ADAMTS17: variants seen among roughly 807,000 people sequenced by gnomAD.
ADAMTS17 encodes the protein A disintegrin and metalloproteinase with thrombospondin motifs 17.
ADAMTS17 carries 113 observed loss-of-function variants against 141.5 expected under a neutral mutation model. That is an observed-to-expected ratio of 0.80 (90% CI 0.69 to 0.93). The LOEUF (loss-of-function observed/expected upper bound fraction) is 0.93, where lower values mean the gene tolerates loss of function less well. Ranked by LOEUF, ADAMTS17 falls within the 40% of genes least tolerant of loss-of-function variation. ADAMTS17 has a pLI of 0.00. For missense variants in ADAMTS17, 1,659 were observed against 1,517.9 expected, an observed-to-expected ratio of 1.09 and a Z score of -1.54; for synonymous variants, 768 against 630.6, an observed-to-expected ratio of 1.22 and a Z score of -3.27.
Position 100,054,731 on chromosome 15 carries a change from T to C in ADAMTS17, c.2138-677A>G, listed in dbSNP as rs80107116. ...TGAGCGTAGCAGGGGAGAGGCACTC[T>C]CACACCCTAGCTCTGTGGGCTTCAG... On this transcript the variant is annotated intron_variant, in intron 15 of 21. Transcript: ENST00000268070. Among the ~76,000 whole-genome samples, 1,362 of 152,286 alleles carry C rather than the reference T, an allele frequency of 8.9e-3. 9 individuals are homozygous for C. Among genetic ancestry groups the C allele is most frequent in the Non-Finnish European group, 0.012 (844 of 68,020 alleles).
intron 6 of ADAMTS17, chr15:100,256,401 C>G (rs2141973599): frequency 6.6e-6 from 1 of 152,348 alleles, no homozygotes; most frequent in East Asian, 1.9e-4. Flanking sequence ...CTGTGCGTAA[C>G]TCACAGCCAG....
chr15:100,162,694 G>T (rs960002634), intron 8 of ADAMTS17, among the ~76,000 whole-genome samples: 4 of 112,032 alleles, frequency 3.6e-5, no homozygotes, highest in Non-Finnish European at 7.3e-5. Context: ...CACATTATAT[G>T]TGTATATATA....
chr15:100,127,250 T>C (rs561310376), intron 12 of ADAMTS17, among the ~76,000 whole-genome samples: 18 of 152,286 alleles, frequency 1.2e-4, no homozygotes, highest in African/African-American at 4.3e-4. Context: ...GCTAAGGATC[T>C]GGAGATGAGA....
At chr15:100,253,100 T>C (rs1033743015) in intron 7 of ADAMTS17, among the ~76,000 whole-genome samples, 1 of 151,836 alleles carries the variant, frequency 6.6e-6, no homozygotes, top group Non-Finnish European at 1.5e-5. Context: ...TTTCTTCGAT[T>C]TTACTACAAT....
At chr15:99,998,612 T>A (rs1347546321) in intron 18 of ADAMTS17, among the ~76,000 whole-genome samples, 1 of 151,804 alleles carries the variant, frequency 6.6e-6, no homozygotes, top group African/African-American at 2.4e-5. Context: ...CCCCAAAAAA[T>A]AAAAACAAAA....
At position 100,148,240 on chromosome 15, in the gene ADAMTS17, A is replaced by G. The variant is rs1232715559; in HGVS notation, c.1473+4372T>C. Among the ~76,000 whole-genome samples, 4 of 152,372 alleles carry G rather than the reference A, an allele frequency of 2.6e-5. No individual in the cohort carries two copies. In the East Asian group the frequency reaches 7.7e-4, roughly 29 times the overall value. ...CACAATTATATTCTTACTGTTTTTC[A>G]TAAAACACAGTTGTTTAAATGATCA... On this transcript the variant is annotated intron_variant, in intron 10 of 21. Coordinates refer to ENST00000268070, the MANE Select transcript of ADAMTS17 (RefSeq NM_139057.4).
At chr15:100,224,160 G>A (rs937459593) in intron 7 of ADAMTS17, among the ~76,000 whole-genome samples, 2 of 152,134 alleles carry the variant, frequency 1.3e-5, no homozygotes, top group African/African-American at 4.8e-5. Flanking sequence ...ACACACCCAG[G>A]ATTAATATTC....
At chr15:100,052,482 G>T (rs904248733) in intron 16 of ADAMTS17, among the ~76,000 whole-genome samples, 2 of 152,202 alleles carry the variant, frequency 1.3e-5, no homozygotes, top group Admixed American at 1.3e-4. Flanking sequence ...TGTTCATCCT[G>T]GTCTGAATGA....
chr15:100,257,724 G>A (rs2043374398), intron 6 of ADAMTS17, among the ~76,000 whole-genome samples: 1 of 152,338 alleles, frequency 6.6e-6, no homozygotes, highest in East Asian at 1.9e-4. Flanking sequence ...AGTTAAAACA[G>A]AACATTTTTA....
intron 7 of ADAMTS17, among the ~76,000 whole-genome samples, chr15:100,214,764 T>C (rs1185081303): frequency 6.6e-6 from 1 of 152,230 alleles, no homozygotes; most frequent in Non-Finnish European, 1.5e-5. Context: ...CTTAATGGTA[T>C]CTGTATTAGT....
chr15:100,021,322 C>T (rs1047605218), intron 18 of ADAMTS17, among the ~76,000 whole-genome samples: 3 of 152,086 alleles, frequency 2.0e-5, no homozygotes, highest in Non-Finnish European at 4.4e-5. Context: ...AGGATCTGGG[C>T]GTCATCTTGG....
intron 7 of ADAMTS17, among the ~76,000 whole-genome samples, chr15:100,249,515 G>C (rs1274919770): frequency 6.6e-6 from 1 of 152,202 alleles, no homozygotes; most frequent in Non-Finnish European, 1.5e-5. Context: ...GGCTGTTGGG[G>C]GGAGATGGAG....
chr15:100,131,170 G>C (rs932335282), intron 12 of ADAMTS17, among the ~76,000 whole-genome samples: 2 of 151,898 alleles, frequency 1.3e-5, no homozygotes, highest in African/African-American at 4.8e-5. Context: ...TGAACAATGA[G>C]AACACAGGGA....
At chr15:99,982,543 G>T (rs1253843018) in intron 20 of ADAMTS17, among the ~76,000 whole-genome samples, 1 of 152,182 alleles carries the variant, frequency 6.6e-6, no homozygotes, top group African/African-American at 2.4e-5. Context: ...CTCCCCTAAG[G>T]CTTCAACGTT....
At chr15:100,067,178 A>G (rs1392037556) in intron 15 of ADAMTS17, among the ~76,000 whole-genome samples, 2 of 148,012 alleles carry the variant, frequency 1.4e-5, no homozygotes, top group Non-Finnish European at 3.0e-5. Flanking sequence ...TTCCTTCAAC[A>G]CTTGAAATAC....
intron 18 of ADAMTS17, among the ~76,000 whole-genome samples, chr15:100,041,766 G>C (rs940155702): frequency 6.6e-6 from 1 of 152,178 alleles, no homozygotes; most frequent in Non-Finnish European, 1.5e-5. Flanking sequence ...TATCCACAGA[G>C]CTAGGATTAG....
chr15:99,988,034 G>C (rs748730128), intron 20 of ADAMTS17, among the ~76,000 whole-genome samples: 1 of 151,942 alleles, frequency 6.6e-6, no homozygotes, highest in Non-Finnish European at 1.5e-5. Flanking sequence ...CCTTCCCCCA[G>C]CTCAGCCTCA....
At chr15:100,227,300 G>A (rs1181059530) in intron 7 of ADAMTS17, among the ~76,000 whole-genome samples, 1 of 152,148 alleles carries the variant, frequency 6.6e-6, no homozygotes, top group Non-Finnish European at 1.5e-5. Flanking sequence ...CTGTTCTGCT[G>A]GGAGCAAAAC....
chr15:99,997,236 G>T lies in ADAMTS17; in HGVS notation c.2796+149C>A. ...TTTCCGCAGCCAGGCTGTTATCTGA[G>T]ATGGAAATTAAGAACACATGAGCTA... On this transcript the variant is annotated intron_variant, in intron 19 of 21. Coordinates refer to ENST00000268070, the MANE Select transcript of ADAMTS17 (RefSeq NM_139057.4). The surrounding 1 kb of genome is among the most constrained non-coding windows in gnomAD (Gnocchi z 4.7). 2.3e-6 allele frequency: 2 copies of T among 860,822 alleles called. No homozygotes were observed. The highest frequency in any genetic ancestry group is 1.9e-5 in the Admixed American group (1 of 53,126). 53.3% of individuals were successfully genotyped at this position (860,822 alleles called of 1,614,324 possible). A position where few individuals can be genotyped will look rare whatever the true frequency, so the allele number is the denominator to read the frequency against.
Sources: gnomAD v4.1 joint callset for allele counts (sites outside exome capture counted in the v4.1 genomes callset) on GRCh38, gnomAD v4.1.1 for gene constraint, Gnocchi (gnomAD v3.1) non-coding constraint, MANE v1.5 for transcripts, NCBI Gene and HGNC (gene_info 2026-07-23, HGNC 2026-07-21) for gene names.